Variants in STK10 observed in about 807,000 individuals in gnomAD.
STK10 encodes the protein serine/threonine kinase 10, also known as serine/threonine-protein kinase 10.
In STK10, 78 loss-of-function variants were observed where a neutral mutation model predicts 113.8. The observed-to-expected ratio is 0.69, with a 90% CI of 0.57 to 0.83. The LOEUF is 0.83. Ranked by LOEUF, STK10 falls within the 40% of genes least tolerant of loss-of-function variation. The probability of loss-of-function intolerance (pLI) is 0.00; values close to 1 mark genes in which losing one functional copy is unlikely to be tolerated. For missense variants in STK10, 1,109 were observed against 1,280.1 expected (o/e 0.87, Z 2.04); for synonymous variants, 465 against 494.7 (o/e 0.94, Z 0.80).
intron 7 of STK10, among the ~76,000 whole-genome samples, chr5:172,102,950 T>A (rs1769024204): frequency 6.6e-6 from 1 of 152,170 alleles, no homozygotes. Flanking sequence ...ATGGCATGTC[T>A]GATTTCAGAG....
chr5:172,103,280 C>T (rs1246775889), intron 7 of STK10, among the ~76,000 whole-genome samples: 1 of 152,230 alleles, frequency 6.6e-6, no homozygotes, highest in Non-Finnish European at 1.5e-5. Flanking sequence ...GAGGAAAAGG[C>T]GCGTGGGTGA....
chr5:172,098,643 G>A (rs1768908454), intron 7 of STK10, among the ~76,000 whole-genome samples: 1 of 152,152 alleles, frequency 6.6e-6, no homozygotes, highest in African/African-American at 2.4e-5. Flanking sequence ...AAGAGGTCTT[G>A]AGTGGGGCGT....
rs373765335 is a variant in STK10 at position 172,169,371 on chromosome 5, G to GAT, written c.157-12585_157-12584dup. ...CAGTGGGAGTGGGAGTGAACGGGAA[G>GAT]ATAGGTGGGCAGACAAGCACATGGA... On this transcript the variant is annotated intron_variant, in intron 1 of 18. Transcript: ENST00000176763. Among the ~76,000 whole-genome samples, 136 of 152,272 alleles carry GAT rather than the reference G, an allele frequency of 8.9e-4. 1 individual carries two copies. The highest frequency in any genetic ancestry group is 3.0e-3 in the African/African-American group (126 of 41,574).
intron 10 of STK10, among the ~76,000 whole-genome samples, chr5:172,083,924 A>AG (rs1768490727): frequency 7.0e-6 from 1 of 143,164 alleles, no homozygotes; most frequent in South Asian, 2.2e-4. Context: ...CACAAAAAAA[A>AG]GAAAAAAAAA....
intron 1 of STK10, among the ~76,000 whole-genome samples, chr5:172,164,679 C>G (rs1410052341): frequency 7.2e-5 from 11 of 152,094 alleles, no homozygotes; most frequent in Admixed American, 7.2e-4. Flanking sequence ...AAATGATGTC[C>G]AACTCTCTCC....
chr5:172,074,071 TA>T (rs1768258560), intron 12 of STK10, among the ~76,000 whole-genome samples: 2 of 152,142 alleles, frequency 1.3e-5, no homozygotes, highest in South Asian at 4.2e-4. Context: ...AAGACCTAAG[TA>T]AATGGAGAGA....
At chr5:172,049,102 C>T (rs970359564) in intron 18 of STK10, among the ~76,000 whole-genome samples, 3 of 152,158 alleles carry the variant, frequency 2.0e-5, no homozygotes, top group Non-Finnish European at 4.4e-5. Context: ...ATGCTGTTTC[C>T]CTCCCTGCTT....
chr5:172,120,981 A>C lies in STK10; in HGVS notation c.371-3351T>G, dbSNP rs1769498689. Among the ~76,000 whole-genome samples, 1 of 151,910 alleles carries C rather than the reference A, an allele frequency of 6.6e-6. No individual in the cohort carries two copies. Among genetic ancestry groups the C allele is most frequent in the Non-Finnish European group, 1.5e-5 (1 of 67,984 alleles). ...CCTCGCAGTAACCCAGTGAGGTGGG[A>C]AGGAGATACTCTTTAATTTTGTTTT... On this transcript the variant is annotated intron_variant, in intron 3 of 18. Coordinates refer to ENST00000176763, the MANE Select transcript of STK10 (RefSeq NM_005990.4). The surrounding 1 kb of genome is among the most constrained non-coding windows in gnomAD (Gnocchi z 4.0).
At chr5:172,065,686 C>A (rs1366186107) in intron 12 of STK10, among the ~76,000 whole-genome samples, 1 of 152,144 alleles carries the variant, frequency 6.6e-6, no homozygotes, top group African/African-American at 2.4e-5. Flanking sequence ...AGCACGTGAC[C>A]CTCACTGGTC....
At chr5:172,162,465 C>G (rs1311622401) in intron 1 of STK10, among the ~76,000 whole-genome samples, 1 of 152,210 alleles carries the variant, frequency 6.6e-6, no homozygotes, top group Non-Finnish European at 1.5e-5. Context: ...CACACACACA[C>G]AGTCTTAACT....
chr5:172,123,200 T>C (rs1435954847), intron 3 of STK10, among the ~76,000 whole-genome samples: 1 of 152,242 alleles, frequency 6.6e-6, no homozygotes, highest in African/African-American at 2.4e-5. Context: ...GAAACCCCTC[T>C]AAGCAGGGCA....
rs541659760 is a variant in STK10, at chr5:172,052,666, G to A, written c.2766+263C>T. ...CGTGGCTGGTTTGACTCACTGCAGC[G>A]TCCTCTGTGGACACATGGCAGGAGT... On this transcript the variant is annotated intron_variant, in intron 18 of 18. Transcript: ENST00000176763. 3.9e-5 allele frequency among the ~76,000 whole-genome samples: 6 copies of A among 152,330 alleles called. No individual in the cohort carries two copies. In the South Asian group the frequency reaches 1.2e-3, roughly 32 times the overall value.
intron 17 of STK10, among the ~76,000 whole-genome samples, chr5:172,054,212 G>C (rs916639124): frequency 2.6e-5 from 4 of 152,106 alleles, no homozygotes; most frequent in African/African-American, 9.7e-5. Context: ...GCCCACAAGG[G>C]GCTCGGCCAC....
rs1561839589 is a variant in STK10, at chr5:172,188,028, A to G, written c.15T>C (p.Asn5=). ...TAGACAGGCGCAGGATGCGGCGGAAATTGGCAAAAGCCATGGCCGGGGGCG... is the reference window on the plus strand; with the variant it reads ...TAGACAGGCGCAGGATGCGGCGGAAGTTGGCAAAAGCCATGGCCGGGGGCG... MAFA[N]FRRILRLSTF... is the part of the protein sequence containing the mutation. Residue 5 remains asparagine, a synonymous_variant, in exon 1 of 19, where the codon AAT becomes AAC. Transcript: ENST00000176763. The surrounding 1 kb of genome is among the most constrained non-coding windows in gnomAD (Gnocchi z 5.6). 1.2e-6 allele frequency: 2 copies of G among 1,612,774 alleles called. No homozygotes were observed. The highest frequency in any genetic ancestry group is 2.2e-5 in the East Asian group (1 of 44,826).
chr5:172,095,963 C>T (rs1366530046), intron 8 of STK10, among the ~76,000 whole-genome samples: 1 of 152,196 alleles, frequency 6.6e-6, no homozygotes, highest in Non-Finnish European at 1.5e-5. Context: ...AGCACTGAAG[C>T]TGCAAAAGAG....
At chr5:172,175,262 GC>G (rs1770738391) in intron 1 of STK10, among the ~76,000 whole-genome samples, 1 of 152,172 alleles carries the variant, frequency 6.6e-6, no homozygotes, top group Non-Finnish European at 1.5e-5. Context: ...CGAAGTGCCA[GC>G]CCTGCTATAG....
rs1581137244 is a variant in STK10 at position 172,064,713 on chromosome 5, G to A, written c.2082+7C>T. The A allele has an allele frequency of 6.2e-7, 1 of 1,613,930 alleles. No homozygotes were observed. The highest frequency in any genetic ancestry group is 8.5e-7 in the Non-Finnish European group (1 of 1,179,956). ...CCTGCGCTCCCCAGCTGAGGCCAGG[G>A]ACTCACAAGAAGCTGCTTTTTCTGC... On this transcript the variant is annotated splice_region_variant and intron_variant, in intron 13 of 18. Transcript: ENST00000176763.
intron 3 of STK10, among the ~76,000 whole-genome samples, chr5:172,119,370 T>C (rs1460634571): frequency 1.3e-5 from 2 of 152,062 alleles, no homozygotes; most frequent in African/African-American, 4.8e-5. Context: ...CAGTGGGTAG[T>C]CCACGAGAAG....
chr5:172,157,480 C>A (rs868677730), intron 1 of STK10, among the ~76,000 whole-genome samples: 3 of 152,120 alleles, frequency 2.0e-5, no homozygotes, highest in Non-Finnish European at 4.4e-5. Flanking sequence ...CGCTTGAACC[C>A]GGGAGGCAGA....
Sources: allele counts gnomAD v4.1 joint callset (sites outside exome capture counted in the v4.1 genomes callset), GRCh38; gene constraint gnomAD v4.1.1; non-coding constraint Gnocchi (gnomAD v3.1); transcripts MANE v1.5; gene names NCBI Gene and HGNC (gene_info 2026-07-23, HGNC 2026-07-21).